The following SRRM4 variants were observed in gnomAD, a reference collection of about 807,000 sequenced individuals.
SRRM4 encodes the protein serine/arginine repetitive matrix 4.
Under a neutral mutation model 68.9 loss-of-function variants are expected in SRRM4, and 33 were observed. The observed-to-expected ratio is 0.48, with a 90% CI of 0.36 to 0.64. SRRM4 has a LOEUF of 0.64. Ranked by LOEUF, SRRM4 falls within the 30% of genes least tolerant of loss-of-function variation. SRRM4 has a pLI of 0.00. For synonymous variants in SRRM4, 318 were observed against 318.8 expected (o/e 1.00, Z 0.03); for missense variants, 817 against 827.1 (o/e 0.99, Z 0.15).
Position 119,132,685 on chromosome 12 carries a change from C to T in SRRM4, c.771+1851C>T, listed in dbSNP as rs1954305510. Among the ~76,000 whole-genome samples, 3 of 152,150 alleles carry T rather than the reference C, an allele frequency of 2.0e-5. No individual in the cohort carries two copies. The South Asian group carries it at 6.2e-4, about 32-fold the overall frequency. On this transcript the variant is annotated intron_variant, in intron 8 of 12. Transcript: ENST00000267260. ...TTAATGGCTTTGAGGTGCAATGCCT[C>T]ACTGTTCTTCATGAGCCTGGCCCTA...
chr12:119,117,819 G>C (rs1212137062), intron 4 of SRRM4, among the ~76,000 whole-genome samples: 1 of 152,176 alleles, frequency 6.6e-6, no homozygotes, highest in African/African-American at 2.4e-5. Flanking sequence ...CGCTGAGGCA[G>C]AAGAATCACT....
At position 119,161,585 on chromosome 12, in the gene SRRM4, TTGAG is replaced by T. The variant is rs990288437; in HGVS notation, c.*4789_*4792del. 3 of 152,318 alleles carry T rather than the reference TTGAG, an allele frequency of 2.0e-5. No individual in the cohort carries two copies. Among genetic ancestry groups the T allele is most frequent in the African/African-American group, 4.8e-5 (2 of 41,444 alleles). The allele number at this position is 152,318 out of a possible 1,614,324, so 9.4% of individuals were successfully genotyped here. A position where few individuals can be genotyped will look rare whatever the true frequency, so the allele number is the denominator to read the frequency against. On this transcript the variant is annotated 3_prime_UTR_variant, in exon 13 of 13. Coordinates refer to ENST00000267260, the MANE Select transcript of SRRM4 (RefSeq NM_194286.4). ...TATTTAATAATTTATTTCGTATTTA[TTGAG>T]TAATATTGGGAAAAGAGAAGGACCA...
Position 119,154,391 on chromosome 12 carries a change from C to G in SRRM4, c.1532+8C>G. The G allele has an allele frequency of 6.2e-7, 1 of 1,612,314 alleles. No individual in the cohort carries two copies. Among genetic ancestry groups the G allele is most frequent in the Non-Finnish European group, 8.5e-7 (1 of 1,179,526 alleles). ...GGCCCGGAGGATAACCAGGTGAGGC[C>G]AGGGGGCAAGGGGGACCCACCTTCA... On this transcript the variant is annotated splice_region_variant and intron_variant, in intron 12 of 12. Transcript: ENST00000267260. The surrounding 1 kb of genome is among the most constrained non-coding windows in gnomAD (Gnocchi z 4.7).
At chr12:119,062,200 C>T (rs1192761195) in intron 1 of SRRM4, among the ~76,000 whole-genome samples, 1 of 152,124 alleles carries the variant, frequency 6.6e-6, no homozygotes, top group Non-Finnish European at 1.5e-5. Context: ...CATTAAAATA[C>T]AGTAGAAAAG....
chr12:119,009,506 G>T (rs1374789398), intron 1 of SRRM4, among the ~76,000 whole-genome samples: 1 of 152,194 alleles, frequency 6.6e-6, no homozygotes, highest in Admixed American at 6.5e-5. Flanking sequence ...CATCAGAGTT[G>T]CCTTCTAAAA....
At chr12:119,108,686 C>T (rs1420918507) in intron 2 of SRRM4, among the ~76,000 whole-genome samples, 5 of 151,938 alleles carry the variant, frequency 3.3e-5, no homozygotes, top group Admixed American at 2.0e-4. Flanking sequence ...GATCTTCCTC[C>T]ATCCCTTTAT....
chr12:119,048,018 A>G (rs1953718337), intron 1 of SRRM4, among the ~76,000 whole-genome samples: 1 of 152,276 alleles, frequency 6.6e-6, no homozygotes, highest in African/African-American at 2.4e-5. Flanking sequence ...ATCTTGAGAT[A>G]TAATTCTGCC....
At chr12:119,028,003 G>A (rs1283948608) in intron 1 of SRRM4, among the ~76,000 whole-genome samples, 3 of 152,224 alleles carry the variant, frequency 2.0e-5, no homozygotes, top group Non-Finnish European at 4.4e-5. Context: ...TGCTTTGCAC[G>A]TGTTGTTGCT....
At chr12:119,061,844 T>C (rs1171611203) in intron 1 of SRRM4, among the ~76,000 whole-genome samples, 2 of 152,116 alleles carry the variant, frequency 1.3e-5, no homozygotes, top group African/African-American at 2.4e-5. Flanking sequence ...AGATTCTTAT[T>C]GTATTTCCCC....
In SRRM4 at chr12:119,159,489, T is replaced by C. The variant is rs1954495848; in HGVS notation, c.*2691T>C. ...TTCAGTTGAGTACTTGCTGAAGTAG[T>C]TGCCTTGTATTTTGAGGGCCATGGT... On this transcript the variant is annotated 3_prime_UTR_variant, in exon 13 of 13. Coordinates refer to ENST00000267260, the MANE Select transcript of SRRM4 (RefSeq NM_194286.4). 6.6e-6 allele frequency: 1 copy of C among 152,242 alleles called. No homozygotes were observed. The highest frequency in any genetic ancestry group is 2.1e-4 in the South Asian group (1 of 4,824). 9.4% of individuals were successfully genotyped at this position (152,242 alleles called of 1,614,324 possible). A position where few individuals can be genotyped will look rare whatever the true frequency, so the allele number is the denominator to read the frequency against.
At chr12:119,013,594 T>G (rs1172189468) in intron 1 of SRRM4, among the ~76,000 whole-genome samples, 1 of 152,250 alleles carries the variant, frequency 6.6e-6, no homozygotes, top group African/African-American at 2.4e-5. Flanking sequence ...CAATGTATTA[T>G]GCTGGGAAAC....
At chr12:119,034,854 C>A (rs1046341216) in intron 1 of SRRM4, among the ~76,000 whole-genome samples, 1 of 152,056 alleles carries the variant, frequency 6.6e-6, no homozygotes, top group Non-Finnish European at 1.5e-5. Flanking sequence ...TTGTCATATC[C>A]CTTAAAAATT....
rs752852674 is a variant in SRRM4 at position 119,145,442 on chromosome 12, C to G, written c.833C>G (p.Ser278Trp). 1.3e-5 allele frequency: 21 copies of G among 1,607,010 alleles called. No homozygotes were observed. In the South Asian group the frequency reaches 2.3e-4, roughly 18 times the overall value. The stretch of plus-strand genomic sequence containing the variant: ...AAAACAGCCAGCCCGCTCACCACCT[C>G]GCGAGGACGTTCCCAGGAGTACGAC... ...FTKTASPLTT[S>W]RGRSQEYDSG... Residue 278 changes from serine (S) to tryptophan (W), a missense_variant, in exon 9 of 13, where the codon TCG (serine) becomes TGG (tryptophan). Coordinates refer to ENST00000267260, the MANE Select transcript of SRRM4 (RefSeq NM_194286.4).
chr12:119,079,400 G>T (rs144084301), intron 1 of SRRM4, among the ~76,000 whole-genome samples: 122 of 152,260 alleles, frequency 8.0e-4, no homozygotes, highest in African/African-American at 2.6e-3. Flanking sequence ...AGCTGCAGTG[G>T]ACAAGAAAGA....
chr12:118,981,865 G>A lies in SRRM4; in HGVS notation c.-18G>A. ...CTTTGGACAGCGCCCCGGACGCCCCGGCCCCTTTGGGTTGGCGATGGCGAG... is the reference window on the plus strand; with the variant it reads ...CTTTGGACAGCGCCCCGGACGCCCCAGCCCCTTTGGGTTGGCGATGGCGAG... On this transcript the variant is annotated 5_prime_UTR_variant, in exon 1 of 13. Coordinates refer to ENST00000267260, the MANE Select transcript of SRRM4 (RefSeq NM_194286.4). 6.2e-7 allele frequency: 1 copy of A among 1,611,526 alleles called. No individual in the cohort carries two copies. The highest frequency in any genetic ancestry group is 8.5e-7 in the Non-Finnish European group (1 of 1,178,686).
chr12:119,021,838 G>A (rs140515546), intron 1 of SRRM4, among the ~76,000 whole-genome samples: 186 of 152,230 alleles, frequency 1.2e-3, no homozygotes, highest in African/African-American at 4.3e-3. Context: ...ATTGATGGGC[G>A]TTTGGGTTGA....
intron 1 of SRRM4, among the ~76,000 whole-genome samples, chr12:119,009,869 C>T (rs1953437908): frequency 6.6e-6 from 1 of 152,168 alleles, no homozygotes; most frequent in Non-Finnish European, 1.5e-5. Flanking sequence ...TTGCTTCAAG[C>T]AACTTTTTCA....
chr12:119,146,996 T>C (rs1954407345), intron 9 of SRRM4, among the ~76,000 whole-genome samples: 1 of 151,998 alleles, frequency 6.6e-6, no homozygotes, highest in Non-Finnish European at 1.5e-5. Context: ...TATCTCTACA[T>C]AAAAACCTGC....
chr12:119,090,416 A>C (rs1954007839), intron 1 of SRRM4, among the ~76,000 whole-genome samples: 1 of 152,258 alleles, frequency 6.6e-6, no homozygotes, highest in African/African-American at 2.4e-5. Flanking sequence ...AACTGGACTC[A>C]AGCCTCAGCC....
Sources: allele counts gnomAD v4.1 joint callset (sites outside exome capture counted in the v4.1 genomes callset), GRCh38; gene constraint gnomAD v4.1.1; non-coding constraint Gnocchi (gnomAD v3.1); transcripts MANE v1.5; gene names NCBI Gene and HGNC (gene_info 2026-07-23, HGNC 2026-07-21).